Variants in ALK observed in about 807,000 individuals in gnomAD.
The protein encoded by ALK is ALK receptor tyrosine kinase.
ALK carries 74 observed loss-of-function variants against 163.1 expected under a neutral mutation model. The observed-to-expected ratio is 0.45, with a 90% confidence interval of 0.38 to 0.55. The LOEUF is 0.55. ALK is among the 20% of genes least tolerant of loss of function. The probability of loss-of-function intolerance (pLI) is 0.00; values close to 1 mark genes in which losing one functional copy is unlikely to be tolerated. For missense variants in ALK, 2,063 were observed against 2,105.3 expected, an observed-to-expected ratio of 0.98 and a Z score of 0.39; for synonymous variants, 960 against 843.2, an observed-to-expected ratio of 1.14 and a Z score of -2.40.
At chr2:29,314,003 G>A (rs1021207346) in intron 8 of ALK, among the ~76,000 whole-genome samples, 4 of 152,040 alleles carry the variant, frequency 2.6e-5, no homozygotes, top group Admixed American at 2.0e-4. Flanking sequence ...GCCTGCTGCC[G>A]AGGTCGGGGG....
intron 9 of ALK, among the ~76,000 whole-genome samples, chr2:29,296,517 G>A (rs1274407616): frequency 5.9e-5 from 9 of 152,322 alleles, no homozygotes; most frequent in African/African-American, 2.2e-4. Context: ...GGAAAGTAAG[G>A]CAAAGTCTAT....
At chr2:29,538,220 G>A (rs1673313625) in intron 3 of ALK, among the ~76,000 whole-genome samples, 1 of 152,116 alleles carries the variant, frequency 6.6e-6, no homozygotes, top group Admixed American at 6.5e-5. Flanking sequence ...AATATGGTTT[G>A]GATGTGTTTG....
intron 3 of ALK, among the ~76,000 whole-genome samples, chr2:29,593,969 G>T (rs1210399819): frequency 6.6e-6 from 1 of 152,104 alleles, no homozygotes; most frequent in African/African-American, 2.4e-5. Context: ...TCTCACTGGG[G>T]GTGATTTTGT....
chr2:29,390,440 G>A (rs1669137781), intron 4 of ALK, among the ~76,000 whole-genome samples: 1 of 152,218 alleles, frequency 6.6e-6, no homozygotes, highest in Non-Finnish European at 1.5e-5. Flanking sequence ...AAGCCACACT[G>A]CTGGCATTCC....
At chr2:29,281,639 G>T (rs1197815432) in intron 9 of ALK, among the ~76,000 whole-genome samples, 2 of 152,216 alleles carry the variant, frequency 1.3e-5, no homozygotes, top group Non-Finnish European at 2.9e-5. Flanking sequence ...CTTGGTTGGA[G>T]GCTGGCTTTG....
At chr2:29,440,569 G>C (rs1256472297) in intron 4 of ALK, among the ~76,000 whole-genome samples, 3 of 152,186 alleles carry the variant, frequency 2.0e-5, no homozygotes, top group Middle Eastern at 3.4e-3. Flanking sequence ...CGCCTGCCTT[G>C]GCCTCCCAAA....
rs1179154714 is a variant in ALK at position 29,394,343 on chromosome 2, G to GA, written c.1155-10485dup. On this transcript the variant is annotated intron_variant, in intron 4 of 28. Transcript: ENST00000389048. ...GAAAAAAAAAAAAGAAAGAAAGAAA[G>GA]AAAAAAATCAAGCAAGAGAAGACTT... Among the ~76,000 whole-genome samples, 59 of 150,656 alleles carry GA rather than the reference G, an allele frequency of 3.9e-4. No homozygotes were observed. In the South Asian group the frequency reaches 4.0e-3, roughly 10 times the overall value.
At chr2:29,284,077 C>T (rs1443630983) in intron 9 of ALK, among the ~76,000 whole-genome samples, 1 of 152,108 alleles carries the variant, frequency 6.6e-6, no homozygotes, top group East Asian at 1.9e-4. Context: ...TGCATCTGGA[C>T]AATGAGAGAG....
chr2:29,238,603 G>A (rs566325537), intron 13 of ALK, among the ~76,000 whole-genome samples: 3 of 152,202 alleles, frequency 2.0e-5, no homozygotes, highest in South Asian at 2.1e-4. Flanking sequence ...CCTGACAACC[G>A]CCATTTTTCC....
Position 29,857,995 on chromosome 2 carries a change from A to G in ALK, c.667+61998T>C, listed in dbSNP as rs72788273. The stretch of plus-strand genomic sequence containing the variant: ...GCATAACCAGGATACTGACATTGAT[A>G]CAATCCAACAACCTTATTCAGATTC... On this transcript the variant is annotated intron_variant, in intron 1 of 28. Transcript: ENST00000389048. 2.4e-3 allele frequency among the ~76,000 whole-genome samples: 367 copies of G among 152,356 alleles called. 1 individual carries two copies. The highest frequency in any genetic ancestry group is 4.2e-3 in the Non-Finnish European group (285 of 68,034).
chr2:29,776,225 T>TAAAA (rs58918857), intron 1 of ALK, among the ~76,000 whole-genome samples: 35 of 131,202 alleles, frequency 2.7e-4, no homozygotes, highest in African/African-American at 9.5e-4. Flanking sequence ...GGAATTTTGT[T>TAAAA]AAAAAAAAAA....
intron 4 of ALK, among the ~76,000 whole-genome samples, chr2:29,399,746 G>A (rs913490271): frequency 2.0e-5 from 3 of 152,094 alleles, no homozygotes; most frequent in Non-Finnish European, 4.4e-5. Flanking sequence ...GCATGAGAGG[G>A]GCTTATATGT....
At chr2:29,621,099 G>A (rs1047164802) in intron 3 of ALK, among the ~76,000 whole-genome samples, 4 of 152,186 alleles carry the variant, frequency 2.6e-5, no homozygotes, top group African/African-American at 9.6e-5. Context: ...CTTTCCAAAG[G>A]AGGGGGAGAG....
intron 8 of ALK, among the ~76,000 whole-genome samples, chr2:29,299,666 G>C (rs967469543): frequency 6.6e-6 from 1 of 152,226 alleles, no homozygotes; most frequent in Non-Finnish European, 1.5e-5. Context: ...ATTTCAAAGG[G>C]AAGTGTAAGA....
At chr2:29,275,009 C>A (rs2148214867) in intron 11 of ALK, 90 bp downstream of exon 11, 1 of 1,543,904 alleles carries the variant, frequency 6.5e-7, no homozygotes, top group Non-Finnish European at 8.9e-7. Flanking sequence ...TCTTTCAGCA[C>A]AGCTCCCCAC....
chr2:29,281,843 C>T (rs1262649642), intron 9 of ALK, among the ~76,000 whole-genome samples: 3 of 152,182 alleles, frequency 2.0e-5, no homozygotes, highest in Non-Finnish European at 4.4e-5. Context: ...TGCTCACGTA[C>T]GACTCAGAAA....
chr2:29,729,451 C>G (rs1573589244), intron 1 of ALK, among the ~76,000 whole-genome samples: 1 of 151,764 alleles, frequency 6.6e-6, no homozygotes, highest in East Asian at 1.9e-4. Flanking sequence ...GAGAAATCAT[C>G]TGACATTTTT....
chr2:29,422,600 A>C (rs1019068088), intron 4 of ALK, among the ~76,000 whole-genome samples: 2 of 152,210 alleles, frequency 1.3e-5, no homozygotes, highest in Non-Finnish European at 2.9e-5. Context: ...TTTCTGAAGA[A>C]ATGCTTAAGA....
chr2:29,787,312 G>C (rs1409846251), intron 1 of ALK, among the ~76,000 whole-genome samples: 1 of 152,164 alleles, frequency 6.6e-6, no homozygotes, highest in Non-Finnish European at 1.5e-5. Context: ...GTGCTGGGTA[G>C]GGGATACAAA....
Sources: gnomAD v4.1 joint callset for allele counts (sites outside exome capture counted in the v4.1 genomes callset) on GRCh38, gnomAD v4.1.1 for gene constraint, MANE v1.5 for transcripts, NCBI Gene and HGNC (gene_info 2026-07-23, HGNC 2026-07-21) for gene names.